Variants in SNCAIP observed in about 807,000 individuals in gnomAD.
The protein encoded by SNCAIP is synphilin-1.
SNCAIP carries 43 observed loss-of-function variants against 86.7 expected under a neutral mutation model. That is an observed-to-expected ratio of 0.50 (90% CI 0.39 to 0.64). SNCAIP has a LOEUF of 0.64. Among genes scored for constraint, SNCAIP ranks in the 30% least tolerant of loss-of-function variants. The pLI is 0.00. For synonymous variants in SNCAIP, 417 were observed against 427.2 expected (o/e 0.98, Z 0.29); for missense variants, 981 against 1,103.1 (o/e 0.89, Z 1.57).
chr5:122,424,313 T>A (rs1208438090), intron 4 of SNCAIP, among the ~76,000 whole-genome samples: 3 of 152,244 alleles, frequency 2.0e-5, no homozygotes, highest in Non-Finnish European at 2.9e-5. Flanking sequence ...CCAAAGACTC[T>A]AGACACAGAG....
At chr5:122,331,643 G>A (rs1755363629) in intron 1 of SNCAIP, among the ~76,000 whole-genome samples, 1 of 152,222 alleles carries the variant, frequency 6.6e-6, no homozygotes, top group Non-Finnish European at 1.5e-5. Context: ...CATGTCAGGT[G>A]AGGGCCCACT....
In SNCAIP at chr5:122,463,530, C is replaced by T. The variant is rs1430645670; in HGVS notation, c.*34C>T. The T allele has an allele frequency of 6.2e-7, 1 of 1,609,508 alleles. No homozygotes were observed. The highest frequency in any genetic ancestry group is 1.1e-5 in the South Asian group (1 of 90,862). On this transcript the variant is annotated 3_prime_UTR_variant, in exon 11 of 11. Transcript: ENST00000261368. ...ATAGAAAAATGAAGAAATCCTACAG[C>T]ATAAAGCACATTGCTGAGCCAGAGT...
At chr5:122,373,597 T>G (rs1764688630) in intron 1 of SNCAIP, among the ~76,000 whole-genome samples, 1 of 152,228 alleles carries the variant, frequency 6.6e-6, no homozygotes, top group Non-Finnish European at 1.5e-5. Flanking sequence ...TTTGTTTTAT[T>G]CTACAAGAAG....
At chr5:122,450,050 T>C in intron 9 of SNCAIP, 113 bp downstream of exon 9, 1 of 787,424 alleles carries the variant, frequency 1.3e-6, no homozygotes, top group South Asian at 1.6e-5. Context: ...CATTTTCTTC[T>C]TATAAAGAGG....
chr5:122,417,565 C>T lies in SNCAIP; in HGVS notation c.131-5303C>T, dbSNP rs138864845. ...AAGTATTTGGCACAATTAGTGTGCC[C>T]GAAATGTGGCAAGGTGACTTCATTG... On this transcript the variant is annotated intron_variant, in intron 3 of 10. Coordinates refer to ENST00000261368, the MANE Select transcript of SNCAIP (RefSeq NM_005460.4). Among the ~76,000 whole-genome samples, 192 of 152,172 alleles carry T rather than the reference C, an allele frequency of 1.3e-3. 2 individuals carry two copies. In the East Asian group the frequency reaches 0.033, roughly 26 times the overall value.
intron 6 of SNCAIP, among the ~76,000 whole-genome samples, chr5:122,438,700 C>A (rs753682481): frequency 5.3e-5 from 8 of 152,154 alleles, no homozygotes; most frequent in Non-Finnish European, 1.0e-4. Flanking sequence ...TCTGTCCATG[C>A]CATCACATGA....
intron 1 of SNCAIP, among the ~76,000 whole-genome samples, chr5:122,336,538 A>G (rs1332050858): frequency 2.0e-5 from 3 of 152,274 alleles, no homozygotes; most frequent in Admixed American, 6.5e-5. Context: ...CCTTTAAGCT[A>G]AGTGTTTATC....
chr5:122,384,125 A>T (rs1444939499), intron 1 of SNCAIP, among the ~76,000 whole-genome samples: 1 of 152,168 alleles, frequency 6.6e-6, no homozygotes, highest in African/African-American at 2.4e-5. Flanking sequence ...TGGAATTCTG[A>T]CCTAGATGGT....
intron 1 of SNCAIP, among the ~76,000 whole-genome samples, chr5:122,377,769 T>C (rs953561904): frequency 1.4e-5 from 2 of 141,130 alleles, no homozygotes; most frequent in Non-Finnish European, 3.0e-5. Flanking sequence ...AATTCCCACC[T>C]ATGAGTGAGA....
intron 1 of SNCAIP, among the ~76,000 whole-genome samples, chr5:122,352,141 T>C (rs1759988474): frequency 1.3e-5 from 2 of 152,194 alleles, no homozygotes; most frequent in South Asian, 4.1e-4. Context: ...CTGCTCCCCT[T>C]ATCAGATGTC....
intron 1 of SNCAIP, among the ~76,000 whole-genome samples, chr5:122,336,459 G>C (rs1365813009): frequency 6.6e-6 from 1 of 152,128 alleles, no homozygotes; most frequent in Non-Finnish European, 1.5e-5. Flanking sequence ...CATTGTTCTA[G>C]TCCCTGGACC....
rs551694074 is a variant in SNCAIP at position 122,396,024 on chromosome 5, A to C, written c.57+4833A>C. ...CCTAGCAGTCGCCCTGTTCTTATCT[A>C]TATGGAAACTTTGTTTAGTGCTTCT... is the stretch of plus-strand genomic sequence containing the variant. On this transcript the variant is annotated intron_variant, in intron 2 of 10. Transcript: ENST00000261368. Among the ~76,000 whole-genome samples the C allele has an allele frequency of 2.0e-5, 3 of 152,054 alleles. No individual in the cohort carries two copies. The South Asian group carries it at 6.2e-4, about 32-fold the overall frequency.
At chr5:122,432,733 A>G (rs919766691) in intron 6 of SNCAIP, among the ~76,000 whole-genome samples, 1 of 152,140 alleles carries the variant, frequency 6.6e-6, no homozygotes, top group African/African-American at 2.4e-5. Flanking sequence ...TAATTAGTGT[A>G]CACAGATCAC....
chr5:122,445,815 A>T (rs999580715), intron 8 of SNCAIP, among the ~76,000 whole-genome samples: 4 of 151,204 alleles, frequency 2.6e-5, no homozygotes, highest in African/African-American at 9.7e-5. Flanking sequence ...CAACAATATG[A>T]CAAGGCCTTG....
intron 7 of SNCAIP, among the ~76,000 whole-genome samples, chr5:122,443,112 T>G (rs1449023203): frequency 6.6e-6 from 1 of 152,164 alleles, no homozygotes; most frequent in Non-Finnish European, 1.5e-5. Context: ...GTGAGGTAGG[T>G]GGCAATGGCT....
intron 10 of SNCAIP, among the ~76,000 whole-genome samples, chr5:122,453,884 C>T (rs535093828): frequency 3.6e-4 from 54 of 151,934 alleles, no homozygotes; most frequent in Admixed American, 2.3e-3. Context: ...CTCAGCCTCC[C>T]GAGTAGCTGG....
At chr5:122,358,185 GTGTGTGTGTGTGTGTGTGTA>G (rs1354583502) in intron 1 of SNCAIP, among the ~76,000 whole-genome samples, 76 of 83,772 alleles carry the variant, frequency 9.1e-4, no homozygotes, top group African/African-American at 3.5e-3. Context: ...GTGTGTGTGT[GTGTGTGTGTGTGTGTGTGTA>G]TATATATATA....
At chr5:122,399,849 C>CTGT (rs1771415816) in intron 2 of SNCAIP, among the ~76,000 whole-genome samples, 1 of 152,098 alleles carries the variant, frequency 6.6e-6, no homozygotes, top group African/African-American at 2.4e-5. Context: ...ACCCATATGG[C>CTGT]TTGTGAAAAA....
intron 1 of SNCAIP, among the ~76,000 whole-genome samples, chr5:122,379,835 A>T (rs1160947153): frequency 1.1e-4 from 16 of 150,482 alleles, no homozygotes; most frequent in African/African-American, 3.9e-4. Flanking sequence ...TATATGCTGG[A>T]TTACATTTAT....
Sources: gnomAD v4.1 joint callset for allele counts (sites outside exome capture counted in the v4.1 genomes callset) on GRCh38, gnomAD v4.1.1 for gene constraint, MANE v1.5 for transcripts, NCBI Gene and HGNC (gene_info 2026-07-23, HGNC 2026-07-21) for gene names.